CDC37: variants seen among roughly 807,000 people sequenced by gnomAD.
CDC37 encodes hsp90 co-chaperone Cdc37.
A neutral mutation model predicts 46.9 loss-of-function variants in CDC37; 9 were observed. The ratio of observed to expected loss-of-function variants is 0.19; its 90% confidence interval spans 0.12 to 0.33. The LOEUF (loss-of-function observed/expected upper bound fraction) is 0.33. Ranked by LOEUF, CDC37 falls within the 10% of genes least tolerant of loss-of-function variation. CDC37 has a pLI of 1.00. For missense variants in CDC37, 388 were observed against 514.6 expected (o/e 0.75, Z 2.38); for synonymous variants, 193 against 191.0 (o/e 1.01, Z -0.09).
At chr19:10,394,579 T>C (rs963711169) in intron 5 of CDC37, among the ~76,000 whole-genome samples, 31 of 152,090 alleles carry the variant, frequency 2.0e-4, no homozygotes, top group Non-Finnish European at 3.8e-4. Context: ...TCTTGTTGCC[T>C]AGGCTGAAGT....
Position 10,403,485 on chromosome 19 carries a change from C to T in CDC37, c.-6G>A, listed in dbSNP as rs368593617. ...CACACGCTGTAGTCCACCATCTTGC[C>T]TTGGCGGCCCAGCCCGCTCCGGCTC... On this transcript the variant is annotated 5_prime_UTR_variant, in exon 1 of 8. Coordinates refer to ENST00000222005, the MANE Select transcript of CDC37 (RefSeq NM_007065.4). 3.1e-6 allele frequency: 5 copies of T among 1,609,946 alleles called. No individual in the cohort carries two copies. The Admixed American group carries it at 5.0e-5, about 16-fold the overall frequency.
Position 10,395,919 on chromosome 19 carries a change from C to CCCCCCCCCCCCT in CDC37, c.378+8_378+9insAGGGGGGGGGGG. On this transcript the variant is annotated intron_variant, in intron 2 of 7. Coordinates refer to ENST00000222005, the MANE Select transcript of CDC37 (RefSeq NM_007065.4). ...CATGCGCACTGCCCGCCCCGCCCGC[C>CCCCCCCCCCCCT]CCGCACACCTTGCTGAAGCCGTCTT... 6.2e-7 allele frequency: 1 copy of CCCCCCCCCCCCT among 1,610,672 alleles called. No individual in the cohort carries two copies. Among genetic ancestry groups the CCCCCCCCCCCCT allele is most frequent in the Non-Finnish European group, 8.5e-7 (1 of 1,177,450 alleles).
chr19:10,396,983 G>A lies in CDC37; in HGVS notation c.103-780C>T, dbSNP rs954185179. On this transcript the variant is annotated intron_variant, in intron 1 of 7. Coordinates refer to ENST00000222005, the MANE Select transcript of CDC37 (RefSeq NM_007065.4). This position sits in a 1 kb window ranked among gnomAD's most constrained non-coding sequence, Gnocchi z 5.9. The stretch of plus-strand genomic sequence containing the variant: ...ACTCCATGGCACCCGTGCCATCTGG[G>A]CTCCATGTTGCCTTAGCGAGGACCC... Among the ~76,000 whole-genome samples, 2 of 152,140 alleles carry A rather than the reference G, an allele frequency of 1.3e-5. No homozygotes were observed. Among genetic ancestry groups the A allele is most frequent in the Non-Finnish European group, 2.9e-5 (2 of 68,032 alleles).
At chr19:10,399,957 G>A (rs1476406874) in intron 1 of CDC37, among the ~76,000 whole-genome samples, 123 of 65,406 alleles carry the variant, frequency 1.9e-3, no homozygotes, top group East Asian at 3.4e-3. Flanking sequence ...AAAAAAAAAA[G>A]CAGCTGTGGC....
chr19:10,401,035 T>C (rs1310852491), intron 1 of CDC37, among the ~76,000 whole-genome samples: 1 of 152,126 alleles, frequency 6.6e-6, no homozygotes, highest in African/African-American at 2.4e-5. Context: ...AGCACGTGAG[T>C]GATACAGACA....
intron 1 of CDC37, among the ~76,000 whole-genome samples, chr19:10,399,949 A>AAAAAAAAAAAAAAAAAAAAAAAAC (rs2042510326): frequency 6.7e-6 from 1 of 148,456 alleles, no homozygotes; most frequent in Non-Finnish European, 1.5e-5. Context: ...AAAAAAAAAA[A>AAAAAAAAAAAAAAAAAAAAAAAAC]AAAAAAAGCA....
intron 3 of CDC37, 25 bp downstream of exon 3, chr19:10,395,410 C>G: frequency 6.2e-7 from 1 of 1,608,120 alleles, no homozygotes; most frequent in South Asian, 1.1e-5. Context: ...GACCTTGCCC[C>G]CCATAACCCA....
In CDC37 at chr19:10,393,347, G is replaced by A. The variant is rs2042469016; in HGVS notation, c.821C>T (p.Ala274Val). 3 of 1,613,928 alleles carry A rather than the reference G, an allele frequency of 1.9e-6. No homozygotes were observed. The highest frequency in any genetic ancestry group is 2.5e-6 in the Non-Finnish European group (3 of 1,180,000). ...RGRAKLRIEK[A>V]MKEYEEEERK... ...CTCCTCCTCCTCGTACTCCTTCATGGCCTTCTCGATGCGCAGCTTGGCACG... is the reference window on the plus strand; with the variant it reads ...CTCCTCCTCCTCGTACTCCTTCATGACCTTCTCGATGCGCAGCTTGGCACG... Residue 274 changes from alanine (A) to valine (V), a missense_variant, in exon 6 of 8, where the codon GCC (alanine) becomes GTC (valine). Ala to Val is a moderately conservative substitution (Grantham distance 64, BLOSUM62 0). This residue lies in a region of CDC37 where 374 missense variants were observed against 467.4 expected (regional missense o/e 0.80). Coordinates refer to ENST00000222005, the MANE Select transcript of CDC37 (RefSeq NM_007065.4). The surrounding 1 kb of genome is among the most constrained non-coding windows in gnomAD (Gnocchi z 4.9).
At chr19:10,397,707 C>T (rs1301974951) in intron 1 of CDC37, among the ~76,000 whole-genome samples, 1 of 151,982 alleles carries the variant, frequency 6.6e-6, no homozygotes. Flanking sequence ...ACCAGGGCCC[C>T]TTCTAGATGT....
chr19:10,401,174 T>G (rs1454373949), intron 1 of CDC37, among the ~76,000 whole-genome samples: 1 of 152,138 alleles, frequency 6.6e-6, no homozygotes, highest in Non-Finnish European at 1.5e-5. Flanking sequence ...CTTACAAAGG[T>G]CTCAGGGAGG....
chr19:10,395,323 C>T lies in CDC37; in HGVS notation c.508G>A (p.Asp170Asn). 2 of 1,614,178 alleles carry T rather than the reference C, an allele frequency of 1.2e-6. No homozygotes were observed. Among genetic ancestry groups the T allele is most frequent in the South Asian group, 2.2e-5 (2 of 91,070 alleles). The change falls in exon 4 of 8, where the codon GAC (aspartate) becomes AAC (asparagine). Residue 170 changes from aspartate (D) to asparagine (N), a missense_variant. By Grantham distance (23) the Asp-to-Asn change is conservative. Transcript: ENST00000222005. ...TTGTCTGACAGGTACTTTTGGCTGT[C>T]ATCCCAGCGGCGAAGCATGCCTGTG... ...KHFGMLRRWD[D>N]SQKYLSDNVH... is the part of the protein sequence containing the mutation.
rs372365883 is a variant in CDC37 at position 10,403,491 on chromosome 19, G to C, written c.-12C>G. Reference sequence around the variant, plus strand: ...CTGTAGTCCACCATCTTGCCTTGGCGGCCCAGCCCGCTCCGGCTCGGGTGG... The same window carrying C: ...CTGTAGTCCACCATCTTGCCTTGGCCGCCCAGCCCGCTCCGGCTCGGGTGG... On this transcript the variant is annotated 5_prime_UTR_variant, in exon 1 of 8. Transcript: ENST00000222005. 1.2e-6 allele frequency: 2 copies of C among 1,603,798 alleles called. No individual in the cohort carries two copies. Among genetic ancestry groups the C allele is most frequent in the Non-Finnish European group, 1.7e-6 (2 of 1,172,312 alleles).
intron 7 of CDC37, 103 bp downstream of exon 7, chr19:10,392,983 C>G (rs2042465912): frequency 2.9e-6 from 3 of 1,028,816 alleles, no homozygotes; most frequent in African/African-American, 1.6e-5. Context: ...CTTGGAGAAG[C>G]CTTGGAGGGG....
chr19:10,395,074 T>C lies in CDC37; in HGVS notation c.673A>G (p.Ser225Gly). 1 of 1,558,998 alleles carries C rather than the reference T, an allele frequency of 6.4e-7. No individual in the cohort carries two copies. Among genetic ancestry groups the C allele is most frequent in the African/African-American group, 1.4e-5 (1 of 73,706 alleles). The change falls in exon 5 of 8, where the codon AGC becomes GGC. Residue 225 changes from serine to glycine, a missense_variant. Coordinates refer to ENST00000222005, the MANE Select transcript of CDC37 (RefSeq NM_007065.4). ...CAGGCCCGGGGGTCCACCTTTAGGCTCTTGGCCAGCTCCAGGATAAATTGC... is the reference window on the plus strand; with the variant it reads ...CAGGCCCGGGGGTCCACCTTTAGGCCCTTGGCCAGCTCCAGGATAAATTGC... ...VMQFILELAK[S>G]LKVDPRACFR...
chr19:10,395,778 C>T (rs1208149821), intron 2 of CDC37, 150 bp downstream of exon 2: 1 of 422,750 alleles, frequency 2.4e-6, no homozygotes, highest in South Asian at 2.0e-5. Context: ...CCACGTGGCC[C>T]CCGTCCATCC....
intron 7 of CDC37, 60 bp from the exon 8 acceptor site, chr19:10,391,766 C>T (rs370090977): frequency 6.8e-5 from 107 of 1,569,472 alleles, no homozygotes; most frequent in African/African-American, 5.7e-4. Flanking sequence ...CCGTTGTCCC[C>T]GTTGTCCCTT....
Position 10,398,041 on chromosome 19 carries a change from C to G in CDC37, c.103-1838G>C, listed in dbSNP as rs2042501073. 6.6e-6 allele frequency among the ~76,000 whole-genome samples: 1 copy of G among 152,168 alleles called. No individual in the cohort carries two copies. On this transcript the variant is annotated intron_variant, in intron 1 of 7. Coordinates refer to ENST00000222005, the MANE Select transcript of CDC37 (RefSeq NM_007065.4). This position sits in a 1 kb window ranked among gnomAD's most constrained non-coding sequence, Gnocchi z 4.2. ...TCAGTGGAGGCTGCTCTATCCAGAG[C>G]CACTAATCAAACCCTGAAACCCTGA...
chr19:10,394,878 C>A, intron 5 of CDC37, 143 bp downstream of exon 5: 1 of 918,590 alleles, frequency 1.1e-6, no homozygotes, highest in East Asian at 2.7e-5. Flanking sequence ...CTCCTCCTCC[C>A]TGGCCCCACC....
At chr19:10,395,414 T>A (rs1423038948) in intron 3 of CDC37, 21 bp downstream of exon 3, 4 of 1,609,372 alleles carry the variant, frequency 2.5e-6, no homozygotes, top group Non-Finnish European at 3.4e-6. Flanking sequence ...TTGCCCCCCA[T>A]AACCCACAAG....
Sources: gnomAD v4.1 joint callset for allele counts (sites outside exome capture counted in the v4.1 genomes callset) on GRCh38, gnomAD v4.1.1 for gene constraint, gnomAD v4.1.1 regional missense constraint, Gnocchi (gnomAD v3.1) non-coding constraint, MANE v1.5 for transcripts, NCBI Gene and HGNC (gene_info 2026-07-23, HGNC 2026-07-21) for gene names.